The following TDP1 variants were observed in gnomAD, a reference collection of about 807,000 sequenced individuals.
TDP1 encodes the protein tyrosyl-DNA phosphodiesterase 1, also known as tyr-DNA phosphodiesterase 1.
TDP1 carries 64 observed loss-of-function variants against 81.5 expected under a neutral mutation model. That is an observed-to-expected ratio of 0.79 (90% confidence interval 0.64 to 0.97). TDP1 has a LOEUF of 0.97. TDP1 is among the 50% of genes least tolerant of loss of function. The pLI is 0.00. For synonymous variants in TDP1, 256 were observed against 264.3 expected (o/e 0.97, Z 0.30); for missense variants, 723 against 743.8 (o/e 0.97, Z 0.33).
At chr14:89,974,682 C>G (rs534860028) in intron 6 of TDP1, among the ~76,000 whole-genome samples, 6 of 152,128 alleles carry the variant, frequency 3.9e-5, no homozygotes, top group Non-Finnish European at 8.8e-5. Flanking sequence ...TATGTGATCT[C>G]GTTCCTGACA....
rs568109161 is a variant in TDP1 at position 90,001,094 on chromosome 14, T to C, written c.1541+7611T>C. Reference sequence around the variant, plus strand: ...CTACGTAATATCTTATTGCCTGTTATGTCTCTACCCATCATAAGTAGAGGA... The same window carrying C: ...CTACGTAATATCTTATTGCCTGTTACGTCTCTACCCATCATAAGTAGAGGA... On this transcript the variant is annotated intron_variant, in intron 14 of 16. Coordinates refer to ENST00000335725, the MANE Select transcript of TDP1 (RefSeq NM_018319.4). Among the ~76,000 whole-genome samples the C allele has an allele frequency of 1.9e-4, 29 of 152,356 alleles. No homozygotes were observed. In the South Asian group the frequency reaches 5.6e-3, roughly 29 times the overall value.
rs552764545 is a variant in TDP1, at chr14:90,026,189, A to G, written c.1644+6771A>G. Reference sequence around the variant, plus strand: ...CTTATGATGTGGCTCTGGCTGGAAGAACTAATACAGTTTACAAGAGCCACC... The same window carrying G: ...CTTATGATGTGGCTCTGGCTGGAAGGACTAATACAGTTTACAAGAGCCACC... On this transcript the variant is annotated intron_variant, in intron 15 of 16. Coordinates refer to ENST00000335725, the MANE Select transcript of TDP1 (RefSeq NM_018319.4). Among the ~76,000 whole-genome samples the G allele has an allele frequency of 3.2e-4, 48 of 152,330 alleles. No homozygotes were observed. The South Asian group carries it at 9.9e-3, about 32-fold the overall frequency.
At chr14:90,030,216 G>A (rs983580335) in intron 15 of TDP1, among the ~76,000 whole-genome samples, 1 of 152,188 alleles carries the variant, frequency 6.6e-6, no homozygotes, top group African/African-American at 2.4e-5. Context: ...TGTCTTCCCT[G>A]TCCCCCTCCT....
intron 2 of TDP1, among the ~76,000 whole-genome samples, chr14:89,958,832 A>G (rs1566837017): frequency 2.0e-5 from 3 of 152,252 alleles, no homozygotes; most frequent in South Asian, 2.1e-4. Flanking sequence ...TCCTGCCGCT[A>G]TCACATAGAC....
At chr14:89,978,869 C>T (rs1894649608) in intron 7 of TDP1, among the ~76,000 whole-genome samples, 1 of 152,220 alleles carries the variant, frequency 6.6e-6, no homozygotes, top group Non-Finnish European at 1.5e-5. Flanking sequence ...GTCATTTCTC[C>T]AGCTTTGCAT....
chr14:90,004,876 C>A (rs999123114), intron 14 of TDP1, among the ~76,000 whole-genome samples: 1 of 152,178 alleles, frequency 6.6e-6, no homozygotes, highest in South Asian at 2.1e-4. Context: ...TGGAGCTGAT[C>A]AACAGCCCCA....
At chr14:90,042,344 C>G (rs546243185) in intron 16 of TDP1, among the ~76,000 whole-genome samples, 81 of 152,266 alleles carry the variant, frequency 5.3e-4, no homozygotes, top group African/African-American at 1.9e-3. Context: ...CTGCCAGATA[C>G]AATGTCTATG....
At chr14:89,982,913 C>A (rs1895157212) in intron 8 of TDP1, among the ~76,000 whole-genome samples, 1 of 152,154 alleles carries the variant, frequency 6.6e-6, no homozygotes, top group African/African-American at 2.4e-5. Flanking sequence ...TTCTGCTAAT[C>A]CCCTTCAGCT....
At position 89,994,828 on chromosome 14, in the gene TDP1, G is replaced by A. The variant is rs552318028; in HGVS notation, c.1541+1345G>A. On this transcript the variant is annotated intron_variant, in intron 14 of 16. Transcript: ENST00000335725. ...AGTAAGCCTGAGAGAAAACCCAGAC[G>A]GATTAGAAGGAACTAGTGAGGACAA... 3.9e-4 allele frequency among the ~76,000 whole-genome samples: 59 copies of A among 152,254 alleles called. 1 individual carries two copies. The South Asian group carries it at 7.9e-3, about 20-fold the overall frequency.
intron 14 of TDP1, among the ~76,000 whole-genome samples, chr14:89,993,788 G>A (rs771462608): frequency 1.3e-5 from 2 of 152,164 alleles, no homozygotes; most frequent in Non-Finnish European, 2.9e-5. Context: ...AAGTACAGAA[G>A]AATAATGAAA....
At chr14:89,962,885 G>A (rs1399613189) in intron 2 of TDP1, 11 of 980,938 alleles carry the variant, frequency 1.1e-5, no homozygotes, top group Non-Finnish European at 1.3e-5. Context: ...AAAAAAAAAA[G>A]GAAGAAAAAA....
intron 9 of TDP1, 196 bp from the exon 10 acceptor site, chr14:89,984,936 C>G: frequency 1.0e-6 from 1 of 981,360 alleles, no homozygotes; most frequent in Admixed American, 6.1e-5. Flanking sequence ...AGTTCTTTGT[C>G]TGGTACTTTA....
intron 15 of TDP1, among the ~76,000 whole-genome samples, chr14:90,020,555 TTCCCTCCCTCCCTCCCTTCCTTCCTTCCC>T (rs1885913224): frequency 2.0e-4 from 3 of 14,816 alleles, no homozygotes; most frequent in Non-Finnish European, 3.0e-4. Context: ...CCTTCCTTCC[TTCCCTCCCTCCCTCCCTTCCTTCCTTCCC>T]TCCCTCCCTC....
intron 15 of TDP1, among the ~76,000 whole-genome samples, chr14:90,021,655 T>C (rs762636514): frequency 6.6e-6 from 1 of 152,222 alleles, no homozygotes; most frequent in Non-Finnish European, 1.5e-5. Context: ...TAAACCGACC[T>C]TATAGGGGGG....
At chr14:89,975,480 T>C in intron 6 of TDP1, 1 of 984,008 alleles carries the variant, frequency 1.0e-6, no homozygotes, top group Non-Finnish European at 1.2e-6. Flanking sequence ...TTACTAGTTT[T>C]TTGTCAACTA....
chr14:90,003,623 G>A (rs770518401), intron 14 of TDP1, among the ~76,000 whole-genome samples: 51 of 152,336 alleles, frequency 3.3e-4, no homozygotes, highest in Non-Finnish European at 6.2e-4. Flanking sequence ...CAAACCCAAT[G>A]AGAACAGTTA....
At chr14:90,018,971 G>A (rs1885643730) in intron 14 of TDP1, 1 of 981,908 alleles carries the variant, frequency 1.0e-6, no homozygotes, top group African/African-American at 1.8e-5. Flanking sequence ...CTAGTTTTAT[G>A]TACAACAAAA....
Position 89,970,741 on chromosome 14 carries a change from A to G in TDP1, c.660-434A>G, listed in dbSNP as rs8020449. 1,558 of 880,468 alleles carry G rather than the reference A, an allele frequency of 1.8e-3. 25 individuals are homozygous for G. The African/African-American group carries it at 0.025, about 14-fold the overall frequency. 54.5% of individuals were successfully genotyped at this position (880,468 alleles called of 1,614,324 possible). A position where few individuals can be genotyped will look rare whatever the true frequency, so the allele number is the denominator to read the frequency against. On this transcript the variant is annotated intron_variant, in intron 5 of 16. Coordinates refer to ENST00000335725, the MANE Select transcript of TDP1 (RefSeq NM_018319.4). ...TCTGTGTTAGCCCTGTCTTCATTCA[A>G]CTACAAAGGCCGGAAACATATCGAG... is the stretch of plus-strand genomic sequence containing the variant.
At chr14:90,004,736 G>C (rs1428612404) in intron 14 of TDP1, among the ~76,000 whole-genome samples, 1 of 152,164 alleles carries the variant, frequency 6.6e-6, no homozygotes, top group South Asian at 2.1e-4. Flanking sequence ...CTTTGGGATT[G>C]GCACAGAAAC....
Sources: gnomAD v4.1 joint callset for allele counts (sites outside exome capture counted in the v4.1 genomes callset) on GRCh38, gnomAD v4.1.1 for gene constraint, MANE v1.5 for transcripts, NCBI Gene and HGNC (gene_info 2026-07-23, HGNC 2026-07-21) for gene names.